Variants in SCN8A observed in about 807,000 individuals in gnomAD.
The protein encoded by SCN8A is sodium voltage-gated channel alpha subunit 8, also known as sodium channel protein type 8 subunit alpha.
In SCN8A, 30 loss-of-function variants were observed where a neutral mutation model predicts 184.1. The ratio of observed to expected loss-of-function variants is 0.16; its 90% CI spans 0.12 to 0.22. The LOEUF (loss-of-function observed/expected upper bound fraction) is 0.22. Ranked by LOEUF, SCN8A falls within the 10% of genes least tolerant of loss-of-function variation. The probability of loss-of-function intolerance (pLI) is 1.00; values close to 1 mark genes in which losing one functional copy is unlikely to be tolerated. For missense variants in SCN8A, 1,057 were observed against 2,498.9 expected (o/e 0.42, Z 12.30); for synonymous variants, 852 against 907.0 (o/e 0.94, Z 1.09).
chr12:51,680,916 A>T (rs1941320083), intron 2 of SCN8A, among the ~76,000 whole-genome samples: 1 of 152,070 alleles, frequency 6.6e-6, no homozygotes, highest in African/African-American at 2.4e-5. Context: ...AAGCAGGAAA[A>T]TTGCTTGAAC....
At chr12:51,664,908 A>C (rs1941002432) in intron 2 of SCN8A, among the ~76,000 whole-genome samples, 1 of 151,698 alleles carries the variant, frequency 6.6e-6, no homozygotes, top group East Asian at 1.9e-4. Flanking sequence ...ACAGGCCCCG[A>C]TGTGTGTTGA....
At position 51,699,614 on chromosome 12, in the gene SCN8A, C is replaced by T. The variant is rs200307006; in HGVS notation, c.751C>T (p.Leu251=). The change falls in exon 7 of 27, where the codon CTG becomes TTG. Residue 251 remains leucine, a synonymous_variant. Coordinates refer to ENST00000627620, the MANE Select transcript of SCN8A (RefSeq NM_001330260.2). ...TGCCCTGATTCAGTCTGTGAAGAAA[C>T]TGTCAGATGTGATGATCCTGACAGT... ...VGALIQSVKK[L]SDVMILTVFC... 1.8e-4 allele frequency: 286 copies of T among 1,613,954 alleles called. No individual in the cohort carries two copies. The highest frequency in any genetic ancestry group is 3.3e-4 in the Middle Eastern group (2 of 6,084).
rs555359035 is a variant in SCN8A at position 51,745,345 on chromosome 12, A to G, written c.1999-558A>G. Among the ~76,000 whole-genome samples, 3 of 152,318 alleles carry G rather than the reference A, an allele frequency of 2.0e-5. No individual in the cohort carries two copies. In the East Asian group the frequency reaches 5.8e-4, roughly 29 times the overall value. The stretch of plus-strand genomic sequence containing the variant: ...ATGGCTTGTAGGAGATCTGGAGCAG[A>G]TCTTCAACTTGCTAATATTCAGTTA... On this transcript the variant is annotated intron_variant, in intron 12 of 26. Coordinates refer to ENST00000627620, the MANE Select transcript of SCN8A (RefSeq NM_001330260.2).
chr12:51,603,737 T>A (rs942318208), intron 1 of SCN8A, among the ~76,000 whole-genome samples: 2 of 152,188 alleles, frequency 1.3e-5, no homozygotes, highest in Non-Finnish European at 2.9e-5. Context: ...TTAAATTTTT[T>A]TTTTTTTATC....
intron 1 of SCN8A, among the ~76,000 whole-genome samples, chr12:51,658,358 A>AT (rs916864361): frequency 2.6e-5 from 4 of 151,750 alleles, no homozygotes; most frequent in Non-Finnish European, 5.9e-5. Flanking sequence ...AGGTCTTACT[A>AT]TTTTTTTGGT....
At chr12:51,723,531 C>T (rs977623080) in intron 12 of SCN8A, among the ~76,000 whole-genome samples, 2 of 152,062 alleles carry the variant, frequency 1.3e-5, no homozygotes, top group Non-Finnish European at 2.9e-5. Flanking sequence ...GTTTGTATAG[C>T]TTTTTATAAG....
intron 14 of SCN8A, among the ~76,000 whole-genome samples, chr12:51,758,346 G>T (rs1942709228): frequency 6.6e-6 from 1 of 152,172 alleles, no homozygotes; most frequent in South Asian, 2.1e-4. Flanking sequence ...TAACATATTG[G>T]TGTGGGGAAA....
chr12:51,789,524 C>G, intron 24 of SCN8A, 106 bp downstream of exon 24: 1 of 1,263,112 alleles, frequency 7.9e-7, no homozygotes, highest in Non-Finnish European at 1.1e-6. Context: ...TCTCTAAAAT[C>G]TATATTGTTA....
rs564043438 is a variant in SCN8A, at chr12:51,772,441, A to G, written c.3646-1748A>G. Among the ~76,000 whole-genome samples, 12 of 151,866 alleles carry G rather than the reference A, an allele frequency of 7.9e-5. No homozygotes were observed. In the South Asian group the frequency reaches 2.5e-3, roughly 32 times the overall value. On this transcript the variant is annotated intron_variant, in intron 19 of 26. Transcript: ENST00000627620. ...AAATGAAGCCACAGCTAAAATGTCCAAGAAGAAACTAGAACGTGGTTACAA... is the reference window on the plus strand; with the variant it reads ...AAATGAAGCCACAGCTAAAATGTCCGAGAAGAAACTAGAACGTGGTTACAA...
At chr12:51,761,519 G>T (rs1942762448) in intron 14 of SCN8A, among the ~76,000 whole-genome samples, 1 of 151,318 alleles carries the variant, frequency 6.6e-6, no homozygotes. Context: ...TGTGTCGCCT[G>T]TGCTGGAGTG....
rs1555231005 is a variant in SCN8A, at chr12:51,806,751, A to G, written c.5265A>G (p.Leu1755=). Residue 1755 remains leucine (L), a synonymous_variant, in exon 27 of 27, where the codon CTA becomes CTG. Transcript: ENST00000627620. The surrounding 1 kb of genome is among the most constrained non-coding windows in gnomAD (Gnocchi z 8.7). ...TAAGCTACATCATCATCTCTTTCCT[A>G]ATTGTCGTGAACATGTACATTGCCA... ...FFVSYIIISF[L]IVVNMYIAII... The G allele has an allele frequency of 1.2e-6, 2 of 1,614,104 alleles. No homozygotes were observed. Among genetic ancestry groups the G allele is most frequent in the Non-Finnish European group, 1.7e-6 (2 of 1,180,022 alleles).
At chr12:51,665,842 TCACAA>T (rs2138676380) in intron 2 of SCN8A, among the ~76,000 whole-genome samples, 1 of 152,206 alleles carries the variant, frequency 6.6e-6, no homozygotes, top group Non-Finnish European at 1.5e-5. Context: ...GGTGGGTGGA[TCACAA>T]GGTCAGGAGT....
chr12:51,692,864 G>T (rs549545610), intron 6 of SCN8A, among the ~76,000 whole-genome samples: 1 of 152,280 alleles, frequency 6.6e-6, no homozygotes, highest in Non-Finnish European at 1.5e-5. Flanking sequence ...TAATAGAACT[G>T]GTTGAGAGAA....
At chr12:51,779,219 CAAAAAA>C (rs35152992) in intron 20 of SCN8A, among the ~76,000 whole-genome samples, 1 of 125,184 alleles carries the variant, frequency 8.0e-6, no homozygotes, top group African/African-American at 3.2e-5. Context: ...GACTTTGTCT[CAAAAAA>C]AAAAAAAAAA....
intron 7 of SCN8A, among the ~76,000 whole-genome samples, chr12:51,700,277 T>C (rs74091609): frequency 0.059 from 8,952 of 152,256 alleles, 417 homozygotes; most frequent in African/African-American, 0.12. Flanking sequence ...TAGGATTGTG[T>C]TCAGAAGCTC....
intron 1 of SCN8A, among the ~76,000 whole-genome samples, chr12:51,606,265 A>G (rs528414188): frequency 2.4e-4 from 36 of 152,266 alleles, no homozygotes; most frequent in Non-Finnish European, 4.6e-4. Flanking sequence ...TGATTTTTGT[A>G]TAAGGTGAGA....
intron 11 of SCN8A, 123 bp downstream of exon 11, chr12:51,706,838 T>C (rs1378335219): frequency 7.2e-6 from 5 of 691,046 alleles, no homozygotes; most frequent in East Asian, 6.3e-5. Flanking sequence ...AGCACAATTA[T>C]ATTCTTCTTT....
In SCN8A at chr12:51,805,735, A is replaced by G. The variant is rs540137709; in HGVS notation, c.4796-547A>G. On this transcript the variant is annotated intron_variant, in intron 26 of 26. Transcript: ENST00000627620. ...TAGCAAGACCCCATCTCAAAACAAA[A>G]AACAACAACATCAAAAGACAAATGT... Among the ~76,000 whole-genome samples the G allele has an allele frequency of 6.8e-4, 103 of 152,310 alleles. No individual in the cohort carries two copies. The Middle Eastern group carries it at 0.014, about 20-fold the overall frequency.
At chr12:51,627,563 G>A (rs1940106775) in intron 1 of SCN8A, among the ~76,000 whole-genome samples, 1 of 152,028 alleles carries the variant, frequency 6.6e-6, no homozygotes, top group African/African-American at 2.4e-5. Context: ...TGTATTTTTC[G>A]TAGAGACAGG....
Sources: gnomAD v4.1 joint callset for allele counts (sites outside exome capture counted in the v4.1 genomes callset) on GRCh38, gnomAD v4.1.1 for gene constraint, Gnocchi (gnomAD v3.1) non-coding constraint, MANE v1.5 for transcripts, NCBI Gene and HGNC (gene_info 2026-07-23, HGNC 2026-07-21) for gene names.